Variants in PDS5B observed in about 807,000 individuals in gnomAD.
PDS5B encodes sister chromatid cohesion protein PDS5 homolog B.
A neutral mutation model predicts 184.1 loss-of-function variants in PDS5B; 51 were observed. That is an observed-to-expected ratio of 0.28 (90% CI 0.22 to 0.35). The LOEUF (loss-of-function observed/expected upper bound fraction) is 0.35. Among genes scored for constraint, PDS5B ranks in the 10% least tolerant of loss-of-function variants. The pLI is 1.00. For missense variants in PDS5B, 1,180 were observed against 1,723.3 expected (o/e 0.68, Z 5.58); for synonymous variants, 566 against 569.2 (o/e 0.99, Z 0.08).
chr13:32,713,907 C>T (rs184717284), intron 19 of PDS5B, among the ~76,000 whole-genome samples: 24 of 152,210 alleles, frequency 1.6e-4, no homozygotes, highest in African/African-American at 4.8e-4. Flanking sequence ...GAACCTGCCC[C>T]GATAATCATG....
chr13:32,604,534 CTT>C (rs941559909), intron 1 of PDS5B, among the ~76,000 whole-genome samples: 4 of 152,060 alleles, frequency 2.6e-5, no homozygotes, highest in Non-Finnish European at 4.4e-5. Context: ...CTAAAATTCT[CTT>C]TTTTTGTTGT....
intron 1 of PDS5B, among the ~76,000 whole-genome samples, chr13:32,644,654 A>G (rs1223769911): frequency 6.6e-6 from 1 of 152,132 alleles, no homozygotes; most frequent in African/African-American, 2.4e-5. Context: ...ATTGTCAGTA[A>G]ACATTATTTA....
intron 1 of PDS5B, among the ~76,000 whole-genome samples, chr13:32,589,839 G>C (rs1295923401): frequency 6.6e-6 from 1 of 152,188 alleles, no homozygotes; most frequent in Non-Finnish European, 1.5e-5. Flanking sequence ...ACTCCTTGGA[G>C]AGTAGAGGTA....
chr13:32,690,416 G>A (rs1042691398), intron 13 of PDS5B: 3 of 152,166 alleles, frequency 2.0e-5, no homozygotes, highest in African/African-American at 7.2e-5. Flanking sequence ...AAGGTAATAG[G>A]TAAGTAATGA....
chr13:32,753,014 T>TA (rs1186168897), intron 24 of PDS5B, among the ~76,000 whole-genome samples: 1 of 152,186 alleles, frequency 6.6e-6, no homozygotes, highest in Non-Finnish European at 1.5e-5. Context: ...ATGAAAAAGA[T>TA]ATATATGAGA....
intron 1 of PDS5B, among the ~76,000 whole-genome samples, chr13:32,597,537 A>AG (rs2057896053): frequency 1.3e-5 from 2 of 150,392 alleles, no homozygotes; most frequent in South Asian, 2.2e-4. Flanking sequence ...TTTAAAAAAA[A>AG]GAAAGAGGCC....
At chr13:32,708,854 G>A (rs1455640094) in intron 18 of PDS5B, among the ~76,000 whole-genome samples, 1 of 151,626 alleles carries the variant, frequency 6.6e-6, no homozygotes, top group Non-Finnish European at 1.5e-5. Flanking sequence ...TTTGATATAT[G>A]TACAAACATG....
intron 11 of PDS5B, among the ~76,000 whole-genome samples, chr13:32,686,132 TG>T (rs1951380299): frequency 6.6e-6 from 1 of 152,188 alleles, no homozygotes; most frequent in Admixed American, 6.5e-5. Flanking sequence ...TGCAGATTCA[TG>T]ATGTTTTCAA....
intron 6 of PDS5B, among the ~76,000 whole-genome samples, chr13:32,665,301 G>C (rs181211745): frequency 1.3e-5 from 2 of 151,870 alleles, no homozygotes; most frequent in Non-Finnish European, 2.9e-5. Context: ...GAAAATAAAC[G>C]TCTTTGGGGG....
intron 19 of PDS5B, among the ~76,000 whole-genome samples, chr13:32,727,302 T>G (rs930138259): frequency 6.6e-6 from 1 of 152,200 alleles, no homozygotes; most frequent in Admixed American, 6.5e-5. Flanking sequence ...TTATATGTTA[T>G]AAGCTCCATA....
chr13:32,712,035 A>G (rs1334703549), intron 19 of PDS5B, among the ~76,000 whole-genome samples: 2 of 152,222 alleles, frequency 1.3e-5, no homozygotes, highest in African/African-American at 2.4e-5. Flanking sequence ...TCCAGTGCCT[A>G]TGGTGCGATA....
At chr13:32,753,646 A>G (rs990623455) in intron 25 of PDS5B, 110 bp downstream of exon 25, 4 of 670,848 alleles carry the variant, frequency 6.0e-6, no homozygotes, top group Non-Finnish European at 7.1e-6. Flanking sequence ...GTGATTAACA[A>G]TTTTTATTAC....
At chr13:32,743,183 G>A (rs1953620527) in intron 23 of PDS5B, among the ~76,000 whole-genome samples, 2 of 151,956 alleles carry the variant, frequency 1.3e-5, no homozygotes, top group African/African-American at 4.8e-5. Flanking sequence ...TTCTTTGAAA[G>A]ATGTAGTAAG....
At chr13:32,615,448 T>C (rs2058203662) in intron 1 of PDS5B, among the ~76,000 whole-genome samples, 1 of 151,748 alleles carries the variant, frequency 6.6e-6, no homozygotes, top group African/African-American at 2.4e-5. Flanking sequence ...AAGTGAAATG[T>C]ATACCTATCA....
chr13:32,707,087 A>G, intron 18 of PDS5B, 48 bp downstream of exon 18: 1 of 975,258 alleles, frequency 1.0e-6, no homozygotes. Context: ...TCTGTTTAAC[A>G]TATACAGTTT....
At chr13:32,733,985 AACAC>A (rs148714647) in intron 20 of PDS5B, among the ~76,000 whole-genome samples, 66 of 141,972 alleles carry the variant, frequency 4.6e-4, no homozygotes, top group Non-Finnish European at 7.0e-4. Flanking sequence ...CAAAAATTAA[AACAC>A]ACACACACAC....
intron 12 of PDS5B, 111 bp from the exon 13 acceptor site, chr13:32,688,345 G>C: frequency 1.8e-6 from 1 of 559,784 alleles, no homozygotes; most frequent in East Asian, 2.9e-5. Context: ...TTTCCACTTA[G>C]AGCGGCAGGA....
intron 28 of PDS5B, 134 bp from the exon 29 acceptor site, chr13:32,759,494 A>G (rs778557056): frequency 1.2e-4 from 54 of 464,198 alleles, no homozygotes; most frequent in Non-Finnish European, 1.8e-4. Context: ...AGTTAAAATC[A>G]GTGACTGAAA....
chr13:32,594,117 G>A (rs2140465152), intron 1 of PDS5B, among the ~76,000 whole-genome samples: 1 of 152,182 alleles, frequency 6.6e-6, no homozygotes, highest in South Asian at 2.1e-4. Context: ...ATTATATGCT[G>A]GTTAAAAAGC....
Sources: allele counts gnomAD v4.1 joint callset (sites outside exome capture counted in the v4.1 genomes callset), GRCh38; gene constraint gnomAD v4.1.1; transcripts MANE v1.5; gene names NCBI Gene and HGNC (gene_info 2026-07-23, HGNC 2026-07-21).